Variants in IMPA1 observed in about 807,000 individuals in gnomAD.
IMPA1 encodes D-galactose 1-phosphate phosphatase.
IMPA1 carries 21 observed loss-of-function variants against 34.9 expected under a neutral mutation model. The observed-to-expected ratio is 0.60, with a 90% confidence interval of 0.43 to 0.87. The LOEUF is 0.87. Among genes scored for constraint, IMPA1 ranks in the 40% least tolerant of loss-of-function variants. IMPA1 has a pLI of 0.00. For missense variants in IMPA1, 299 were observed against 336.4 expected, an observed-to-expected ratio of 0.89 and a Z score of 0.87; for synonymous variants, 95 against 104.4, an observed-to-expected ratio of 0.91 and a Z score of 0.55.
chr8:81,673,757 G>T, intron 6 of IMPA1, 84 bp downstream of exon 6: 1 of 766,916 alleles, frequency 1.3e-6, no homozygotes, highest in Non-Finnish European at 2.3e-6. Flanking sequence ...TTAACACCTG[G>T]AGAATTCCAT....
chr8:81,685,876 C>CCG, intron 1 of IMPA1: 2 of 1,548,858 alleles, frequency 1.3e-6, no homozygotes, highest in South Asian at 1.2e-5. Flanking sequence ...TGTCCCAGCA[C>CCG]CGCGACTGCG....
intron 6 of IMPA1, among the ~76,000 whole-genome samples, chr8:81,671,914 A>G (rs138466035): frequency 1.2e-4 from 18 of 152,256 alleles, no homozygotes; most frequent in African/African-American, 4.1e-4. Flanking sequence ...AAAAAAATAA[A>G]AGTTACATAA....
At chr8:81,666,502 A>C (rs1806826511) in intron 7 of IMPA1, among the ~76,000 whole-genome samples, 1 of 152,264 alleles carries the variant, frequency 6.6e-6, no homozygotes, top group Non-Finnish European at 1.5e-5. Context: ...TGTATATGAC[A>C]GGCACACTTC....
At chr8:81,661,335 A>G (rs924734153) in intron 7 of IMPA1, among the ~76,000 whole-genome samples, 2 of 152,192 alleles carry the variant, frequency 1.3e-5, no homozygotes, top group Non-Finnish European at 2.9e-5. Flanking sequence ...CACAAGATAC[A>G]TAATAAGTAC....
At chr8:81,678,311 C>T (rs978190473) in intron 4 of IMPA1, among the ~76,000 whole-genome samples, 1 of 152,080 alleles carries the variant, frequency 6.6e-6, no homozygotes, top group Non-Finnish European at 1.5e-5. Flanking sequence ...ACAGCACTCC[C>T]CAAGAGTGAC....
intron 7 of IMPA1, 81 bp from the exon 8 acceptor site, chr8:81,660,748 G>T: frequency 8.8e-7 from 1 of 1,136,620 alleles, no homozygotes; most frequent in Non-Finnish European, 1.2e-6. Context: ...CACTTTAAGT[G>T]TCGATTGAAG....
intron 7 of IMPA1, among the ~76,000 whole-genome samples, chr8:81,666,801 C>T (rs773840511): frequency 7.4e-5 from 10 of 135,582 alleles, no homozygotes; most frequent in South Asian, 2.4e-4. Context: ...ACCTGGGAGG[C>T]GCAGGTTGCA....
intron 1 of IMPA1, among the ~76,000 whole-genome samples, chr8:81,681,902 GATA>G (rs1401884248): frequency 1.4e-4 from 21 of 152,224 alleles, no homozygotes; most frequent in Non-Finnish European, 2.4e-4. Context: ...TAAAAGTTAG[GATA>G]ATATTTTGGA....
At position 81,657,559 on chromosome 8, in the gene IMPA1, C is replaced by G. The variant is rs1235651315; in HGVS notation, c.*1792G>C. 6.6e-6 allele frequency among the ~76,000 whole-genome samples: 1 copy of G among 151,984 alleles called. No individual in the cohort carries two copies. The highest frequency in any genetic ancestry group is 1.5e-5 in the Non-Finnish European group (1 of 68,004). On this transcript the variant is annotated 3_prime_UTR_variant, in exon 9 of 9. Transcript: ENST00000256108. ...TCATGCCACTGCATTACTGTTTGAG[C>G]AGAAGAGCAAGACACTGTCTTCAAA...
intron 7 of IMPA1, among the ~76,000 whole-genome samples, chr8:81,668,293 G>A (rs1035957905): frequency 2.0e-5 from 3 of 152,184 alleles, no homozygotes; most frequent in Non-Finnish European, 4.4e-5. Context: ...AATTAAAGGG[G>A]AAGCAGAGTG....
At chr8:81,680,413 G>A (rs971441535) in intron 3 of IMPA1, among the ~76,000 whole-genome samples, 3 of 152,192 alleles carry the variant, frequency 2.0e-5, no homozygotes, top group Non-Finnish European at 4.4e-5. Flanking sequence ...GTAAGGAACT[G>A]AGAGAAGCTA....
At chr8:81,673,981 C>G in intron 5 of IMPA1, 32 bp from the exon 6 acceptor site, 1 of 1,318,516 alleles carries the variant, frequency 7.6e-7, no homozygotes, top group Admixed American at 1.7e-5. Context: ...CTTTACCAAA[C>G]CTAAGTATGT....
At chr8:81,674,920 A>G (rs775984950) in intron 5 of IMPA1, 3 of 431,294 alleles carry the variant, frequency 7.0e-6, no homozygotes, top group African/African-American at 4.1e-5. Context: ...ATTTAATCTC[A>G]AAAACACTTT....
chr8:81,685,926 G>T, intron 1 of IMPA1: 1 of 1,539,496 alleles, frequency 6.5e-7, no homozygotes, highest in South Asian at 1.2e-5. Flanking sequence ...CACTTAGAGT[G>T]ACTACCTGGG....
At chr8:81,672,298 A>C (rs1294990348) in intron 6 of IMPA1, among the ~76,000 whole-genome samples, 1 of 152,222 alleles carries the variant, frequency 6.6e-6, no homozygotes, top group Non-Finnish European at 1.5e-5. Flanking sequence ...GAGAAAGAAA[A>C]AGAAAAGTTT....
intron 1 of IMPA1, among the ~76,000 whole-genome samples, chr8:81,684,070 T>C (rs1807383856): frequency 6.7e-6 from 1 of 150,206 alleles, no homozygotes; most frequent in Non-Finnish European, 1.5e-5. Context: ...GCTATGGGAG[T>C]TATGAGCCAG....
chr8:81,673,759 G>T, intron 6 of IMPA1, 82 bp downstream of exon 6: 1 of 778,814 alleles, frequency 1.3e-6, no homozygotes, highest in South Asian at 1.5e-5. Context: ...AACACCTGGA[G>T]AATTCCATAG....
chr8:81,660,321 T>C (rs1806632179), intron 8 of IMPA1, among the ~76,000 whole-genome samples, 195 bp downstream of exon 8: 1 of 152,206 alleles, frequency 6.6e-6, no homozygotes, highest in Non-Finnish European at 1.5e-5. Context: ...TTTATCATTG[T>C]AAGTCTCACA....
intron 7 of IMPA1, among the ~76,000 whole-genome samples, chr8:81,667,600 A>T (rs540897876): frequency 5.1e-4 from 77 of 152,274 alleles, no homozygotes; most frequent in African/African-American, 1.8e-3. Context: ...ATGAAGCATT[A>T]AGGGAGATTT....
Sources: gnomAD v4.1 joint callset for allele counts (sites outside exome capture counted in the v4.1 genomes callset) on GRCh38, gnomAD v4.1.1 for gene constraint, MANE v1.5 for transcripts, NCBI Gene and HGNC (gene_info 2026-07-23, HGNC 2026-07-21) for gene names.